Variants in CACNA1C observed in about 807,000 individuals in gnomAD.
CACNA1C encodes the protein calcium voltage-gated channel subunit alpha1 C.
Under a neutral mutation model 229.0 loss-of-function variants are expected in CACNA1C, and 30 were observed. The ratio of observed to expected loss-of-function variants is 0.13; its 90% CI spans 0.10 to 0.18. The LOEUF (loss-of-function observed/expected upper bound fraction) is 0.18. Ranked by LOEUF, CACNA1C falls within the 10% of genes least tolerant of loss-of-function variation. CACNA1C has a pLI of 1.00. For missense variants in CACNA1C, 1,658 were observed against 2,845.0 expected (o/e 0.58, Z 9.49); for synonymous variants, 1,114 against 1,132.5 (o/e 0.98, Z 0.33).
Position 2,034,006 on chromosome 12 carries a change from A to C in CACNA1C, c.139+62805A>C, listed in dbSNP as rs1224134685. On this transcript the variant is annotated intron_variant, in intron 1 of 46. Transcript: ENST00000682462. The surrounding 1 kb of genome is among the most constrained non-coding windows in gnomAD (Gnocchi z 4.1). ...CCTAGAGAAGCAAAGATTCGTAGAG[A>C]GGGGAGGAAGAGAATACAGTAACTG... Among the ~76,000 whole-genome samples the C allele has an allele frequency of 6.6e-6, 1 of 152,122 alleles. No homozygotes were observed. Among genetic ancestry groups the C allele is most frequent in the African/African-American group, 2.4e-5 (1 of 41,434 alleles).
At chr12:2,567,950 A>G (rs531196326) in intron 13 of CACNA1C, among the ~76,000 whole-genome samples, 156 bp downstream of exon 13, 1 of 152,326 alleles carries the variant, frequency 6.6e-6, no homozygotes, top group Admixed American at 6.5e-5. Flanking sequence ...GTGTTCATTT[A>G]GATGGCACAT....
chr12:2,630,488 G>A lies in CACNA1C; in HGVS notation c.3829-3809G>A, dbSNP rs1329240639. On this transcript the variant is annotated intron_variant, in intron 29 of 46. Coordinates refer to ENST00000399655, the MANE Select transcript of CACNA1C (RefSeq NM_000719.7). The surrounding 1 kb of genome is among the most constrained non-coding windows in gnomAD (Gnocchi z 5.4). ...TTTCTGGGCAGGGTGTGGTCCAAGTGGGAGGAAGGGGCTGTTGAAATAGTG... is the reference window on the plus strand; with the variant it reads ...TTTCTGGGCAGGGTGTGGTCCAAGTAGGAGGAAGGGGCTGTTGAAATAGTG... Among the ~76,000 whole-genome samples the A allele has an allele frequency of 6.6e-6, 1 of 152,088 alleles. No homozygotes were observed. Among genetic ancestry groups the A allele is most frequent in the East Asian group, 1.9e-4 (1 of 5,184 alleles).
At chr12:2,198,891 G>T (rs1426106233) in intron 3 of CACNA1C, among the ~76,000 whole-genome samples, 1 of 152,128 alleles carries the variant, frequency 6.6e-6, no homozygotes, top group Non-Finnish European at 1.5e-5. Flanking sequence ...TTAATCATAT[G>T]TTATGGTTTA....
intron 3 of CACNA1C, among the ~76,000 whole-genome samples, chr12:2,175,163 C>A (rs545408598): frequency 2.6e-5 from 4 of 152,138 alleles, no homozygotes; most frequent in Admixed American, 1.3e-4. Context: ...AACAGTAAAA[C>A]GCAAGAGATC....
chr12:2,356,937 A>G (rs760434010), intron 3 of CACNA1C, among the ~76,000 whole-genome samples: 10 of 152,232 alleles, frequency 6.6e-5, no homozygotes, highest in East Asian at 1.9e-4. Context: ...CTCAGAGTCC[A>G]TGCCTTGGCC....
chr12:2,002,997 T>C (rs868407476), intron 1 of CACNA1C, among the ~76,000 whole-genome samples: 4 of 152,194 alleles, frequency 2.6e-5, no homozygotes, highest in Non-Finnish European at 2.9e-5. Flanking sequence ...AGGTACACTT[T>C]CTATTACAGA....
At chr12:2,283,379 A>G (rs2091931024) in intron 3 of CACNA1C, among the ~76,000 whole-genome samples, 1 of 152,198 alleles carries the variant, frequency 6.6e-6, no homozygotes, top group African/African-American at 2.4e-5. Flanking sequence ...CTGAAAATGC[A>G]GGGTATGGAA....
chr12:2,616,046 C>T (rs929600872), intron 29 of CACNA1C, among the ~76,000 whole-genome samples: 6 of 152,192 alleles, frequency 3.9e-5, no homozygotes, highest in Non-Finnish European at 7.3e-5. Context: ...CAGTGATCAC[C>T]TCCCCAAGAG....
intron 1 of CACNA1C, among the ~76,000 whole-genome samples, chr12:2,061,495 C>G (rs1322604805): frequency 6.6e-6 from 1 of 152,122 alleles, no homozygotes; most frequent in Non-Finnish European, 1.5e-5. Flanking sequence ...TCCAGAGAGT[C>G]TAGGAGCCTG....
intron 3 of CACNA1C, among the ~76,000 whole-genome samples, chr12:2,239,240 G>A (rs113961492): frequency 0.013 from 1,956 of 152,308 alleles, 48 homozygotes; most frequent in African/African-American, 0.045. Context: ...TGCCTCCAGA[G>A]CACTCCGGTT....
At chr12:2,690,140 C>T (rs781504837) in intron 46 of CACNA1C, 1 of 152,868 alleles carries the variant, frequency 6.5e-6, no homozygotes, top group African/African-American at 2.4e-5. Context: ...GATACCTCAC[C>T]CCTGGAAAGG....
intron 29 of CACNA1C, among the ~76,000 whole-genome samples, chr12:2,621,673 G>A (rs917851465): frequency 1.3e-5 from 2 of 152,216 alleles, no homozygotes; most frequent in African/African-American, 2.4e-5. Flanking sequence ...GATGGAGCGA[G>A]GGGGGCAGAG....
rs569600897 is a variant in CACNA1C at position 2,505,241 on chromosome 12, G to T, written c.1217+296G>T. Among the ~76,000 whole-genome samples the T allele has an allele frequency of 6.6e-5, 10 of 152,228 alleles. 1 individual carries two copies. The South Asian group carries it at 1.7e-3, about 25-fold the overall frequency. Reference sequence around the variant, plus strand: ...GGGCACTTCTCCTTGTGCCTTCGTGGCCTCTGGTGAACAGGCCTGGGTAAG... The same window carrying T: ...GGGCACTTCTCCTTGTGCCTTCGTGTCCTCTGGTGAACAGGCCTGGGTAAG... On this transcript the variant is annotated intron_variant, in intron 8 of 46. Coordinates refer to ENST00000399655, the MANE Select transcript of CACNA1C (RefSeq NM_000719.7).
rs1002722741 is a variant in CACNA1C at position 2,077,087 on chromosome 12, C to T, written c.49+23476C>T. Among the ~76,000 whole-genome samples the T allele has an allele frequency of 6.6e-5, 10 of 152,316 alleles. No individual in the cohort carries two copies. In the South Asian group the frequency reaches 1.5e-3, roughly 22 times the overall value. On this transcript the variant is annotated intron_variant, in intron 1 of 46. Coordinates refer to ENST00000399655, the MANE Select transcript of CACNA1C (RefSeq NM_000719.7). ...CTTAAGTTTGATTTAAGATGTGTAC[C>T]GTTTATGATCAACAGGGAAATTTAA... is the stretch of plus-strand genomic sequence containing the variant.
intron 3 of CACNA1C, among the ~76,000 whole-genome samples, chr12:2,183,440 C>T (rs2096901536): frequency 6.6e-6 from 1 of 152,218 alleles, no homozygotes; most frequent in Non-Finnish European, 1.5e-5. Flanking sequence ...TCTAGAGATT[C>T]TATTTCCACA....
At chr12:2,273,775 G>T (rs2086294845) in intron 3 of CACNA1C, among the ~76,000 whole-genome samples, 1 of 152,214 alleles carries the variant, frequency 6.6e-6, no homozygotes, top group South Asian at 2.1e-4. Context: ...TACAGGGAAG[G>T]GAGACGGTCA....
At chr12:2,280,159 T>G (rs1185635577) in intron 3 of CACNA1C, among the ~76,000 whole-genome samples, 2 of 149,490 alleles carry the variant, frequency 1.3e-5, no homozygotes, top group Non-Finnish European at 3.0e-5. Flanking sequence ...TTTGCTGTGC[T>G]TCGGTTTAAC....
chr12:2,036,719 C>T (rs1026196882), intron 1 of CACNA1C, among the ~76,000 whole-genome samples: 6 of 152,166 alleles, frequency 3.9e-5, no homozygotes, highest in African/African-American at 1.4e-4. Flanking sequence ...CCTCTTCGGC[C>T]TCCCAAAGTG....
At chr12:2,043,778 C>A (rs1387700457) in intron 1 of CACNA1C, among the ~76,000 whole-genome samples, 1 of 141,458 alleles carries the variant, frequency 7.1e-6, no homozygotes, top group African/African-American at 2.8e-5. Context: ...GCCTCAGCCT[C>A]CCCAGTAGCT....
Sources: gnomAD v4.1 joint callset for allele counts (sites outside exome capture counted in the v4.1 genomes callset) on GRCh38, gnomAD v4.1.1 for gene constraint, Gnocchi (gnomAD v3.1) non-coding constraint, MANE v1.5 for transcripts, NCBI Gene and HGNC (gene_info 2026-07-23, HGNC 2026-07-21) for gene names.